RYR2: variants seen among roughly 807,000 people sequenced by gnomAD.
RYR2 encodes cardiac muscle ryanodine receptor-calcium release channel.
In RYR2, 227 loss-of-function variants were observed where a neutral mutation model predicts 601.1. That is an observed-to-expected ratio of 0.38 (90% CI 0.34 to 0.42). RYR2 has a LOEUF of 0.42. Ranked by LOEUF, RYR2 falls within the 10% of genes least tolerant of loss-of-function variation. The pLI is 1.00. For missense variants in RYR2, 4,646 were observed against 6,156.5 expected (o/e 0.75, Z 8.21); for synonymous variants, 2,223 against 2,175.1 (o/e 1.02, Z -0.61).
chr1:237,449,935 C>T (rs1657885484), intron 14 of RYR2, among the ~76,000 whole-genome samples: 1 of 151,894 alleles, frequency 6.6e-6, no homozygotes, highest in Non-Finnish European at 1.5e-5. Context: ...TGTTAAGTTA[C>T]CTAGGAAGAG....
chr1:237,738,127 A>G (rs1225845975), intron 79 of RYR2, among the ~76,000 whole-genome samples: 3 of 152,122 alleles, frequency 2.0e-5, no homozygotes, highest in Non-Finnish European at 2.9e-5. Context: ...GAGTCTTGAT[A>G]CTTGAGACTT....
intron 1 of RYR2, among the ~76,000 whole-genome samples, chr1:237,160,226 T>C (rs1181235870): frequency 6.6e-6 from 1 of 152,220 alleles, no homozygotes. Flanking sequence ...TTATTTGTAT[T>C]TCGTTAGGAT....
chr1:237,621,258 G>T (rs749093706), intron 38 of RYR2, among the ~76,000 whole-genome samples: 2 of 152,076 alleles, frequency 1.3e-5, no homozygotes, highest in Non-Finnish European at 2.9e-5. Flanking sequence ...CACAGCTAAA[G>T]CAAGGCCAAG....
At chr1:237,108,350 A>G (rs1332314396) in intron 1 of RYR2, among the ~76,000 whole-genome samples, 1 of 152,206 alleles carries the variant, frequency 6.6e-6, no homozygotes, top group Non-Finnish European at 1.5e-5. Flanking sequence ...TGACTAGGAC[A>G]AATGAGAGGT....
intron 24 of RYR2, among the ~76,000 whole-genome samples, chr1:237,522,188 C>A (rs1274107944): frequency 2.0e-5 from 3 of 152,116 alleles, no homozygotes; most frequent in Admixed American, 2.0e-4. Flanking sequence ...GGCTCTCATC[C>A]TTTGGATCAG....
At chr1:237,204,497 C>CA (rs1225260279) in intron 1 of RYR2, among the ~76,000 whole-genome samples, 1 of 86,946 alleles carries the variant, frequency 1.2e-5, no homozygotes, top group Non-Finnish European at 2.3e-5. Flanking sequence ...AAAACAAAAA[C>CA]AAAAACAAAA....
chr1:237,263,231 ATCTTAC>A (rs1406480691), intron 1 of RYR2, among the ~76,000 whole-genome samples: 1 of 152,216 alleles, frequency 6.6e-6, no homozygotes, highest in Non-Finnish European at 1.5e-5. Flanking sequence ...ATTAAATAAG[ATCTTAC>A]CTTGGCAGTT....
At chr1:237,756,797 A>G (rs2149263513) in intron 81 of RYR2, among the ~76,000 whole-genome samples, 1 of 152,310 alleles carries the variant, frequency 6.6e-6, no homozygotes, top group East Asian at 1.9e-4. Flanking sequence ...TAAGTACACA[A>G]ACAGCGTGGC....
chr1:237,558,066 A>C (rs1300250235), intron 27 of RYR2, among the ~76,000 whole-genome samples: 1 of 152,220 alleles, frequency 6.6e-6, no homozygotes, highest in Non-Finnish European at 1.5e-5. Flanking sequence ...AAGTACAGTA[A>C]GAGGAGCTTG....
At chr1:237,333,980 T>A (rs926487141) in intron 3 of RYR2, among the ~76,000 whole-genome samples, 7 of 152,230 alleles carry the variant, frequency 4.6e-5, no homozygotes, top group Non-Finnish European at 8.8e-5. Flanking sequence ...TGTTCTTTTT[T>A]ATTTAATAAT....
chr1:237,397,532 C>T (rs1423330723), intron 10 of RYR2, among the ~76,000 whole-genome samples: 1 of 152,104 alleles, frequency 6.6e-6, no homozygotes, highest in Non-Finnish European at 1.5e-5. Context: ...GCTTACAGGT[C>T]ATAAGTGGGT....
At chr1:237,594,897 T>TG (rs1559084064) in intron 33 of RYR2, among the ~76,000 whole-genome samples, 342 of 21,186 alleles carry the variant, frequency 0.016, 3 homozygotes, top group Middle Eastern at 0.065. Context: ...TTTTTTTTTT[T>TG]TTTTTTTTTT....
intron 7 of RYR2, among the ~76,000 whole-genome samples, chr1:237,375,002 A>G (rs1469521380): frequency 1.3e-5 from 2 of 152,212 alleles, no homozygotes; most frequent in Non-Finnish European, 2.9e-5. Flanking sequence ...TGTTCAAACT[A>G]GGCTTCAAAC....
intron 29 of RYR2, among the ~76,000 whole-genome samples, chr1:237,589,217 G>GA: frequency 6.6e-6 from 1 of 151,972 alleles, no homozygotes; most frequent in Non-Finnish European, 1.5e-5. Flanking sequence ...GTTTATTCCA[G>GA]AAAAAAAGCA....
chr1:237,333,831 C>G (rs543549710), intron 3 of RYR2, among the ~76,000 whole-genome samples: 1 of 152,098 alleles, frequency 6.6e-6, no homozygotes, highest in Admixed American at 6.5e-5. Flanking sequence ...GCCACTTTTC[C>G]TAGGATGAAG....
At chr1:237,045,048 T>C (rs1232915832) in intron 1 of RYR2, among the ~76,000 whole-genome samples, 3 of 151,950 alleles carry the variant, frequency 2.0e-5, no homozygotes, top group Non-Finnish European at 2.9e-5. Context: ...TTCTTGATAG[T>C]GATGGATGAA....
intron 38 of RYR2, 89 bp downstream of exon 38, chr1:237,617,575 T>C: frequency 8.2e-7 from 1 of 1,214,946 alleles, no homozygotes; most frequent in Non-Finnish European, 1.2e-6. Flanking sequence ...AACTCACACG[T>C]CTTGTTTTCC....
At chr1:237,662,252 A>AT (rs1683874318) in intron 56 of RYR2, among the ~76,000 whole-genome samples, 1 of 152,042 alleles carries the variant, frequency 6.6e-6, no homozygotes, top group African/African-American at 2.4e-5. Context: ...TATTTTATCT[A>AT]TTTTTTTGTC....
At chr1:237,585,971 A>G (rs954914291) in intron 29 of RYR2, among the ~76,000 whole-genome samples, 2 of 152,242 alleles carry the variant, frequency 1.3e-5, no homozygotes, top group Non-Finnish European at 2.9e-5. Flanking sequence ...CTACACAGAG[A>G]AAAAATTGAC....
Sources: allele counts gnomAD v4.1 joint callset (sites outside exome capture counted in the v4.1 genomes callset), GRCh38; gene constraint gnomAD v4.1.1; transcripts MANE v1.5; gene names NCBI Gene and HGNC (gene_info 2026-07-23, HGNC 2026-07-21).